The following SATB1 variants were observed in gnomAD, a reference collection of about 807,000 sequenced individuals.
SATB1 encodes SATB homeobox 1.
SATB1 carries 11 observed loss-of-function variants against 86.9 expected under a neutral mutation model. That is an observed-to-expected ratio of 0.13 (90% confidence interval 0.08 to 0.21). The LOEUF is 0.21. Ranked by LOEUF, SATB1 falls within the 10% of genes least tolerant of loss-of-function variation. The probability of loss-of-function intolerance (pLI) is 1.00; values close to 1 mark genes in which losing one functional copy is unlikely to be tolerated. For synonymous variants in SATB1, 357 were observed against 357.2 expected, an observed-to-expected ratio of 1.00 and a Z score of 0.01; for missense variants, 551 against 937.6, an observed-to-expected ratio of 0.59 and a Z score of 5.39.
chr3:18,404,862 A>T (rs1697444182), intron 5 of SATB1, among the ~76,000 whole-genome samples: 1 of 152,034 alleles, frequency 6.6e-6, no homozygotes, highest in Non-Finnish European at 1.5e-5. Flanking sequence ...AGGTATATTA[A>T]GAGCATGTGA....
At chr3:18,408,144 A>G (rs1033795997) in intron 5 of SATB1, among the ~76,000 whole-genome samples, 3 of 152,082 alleles carry the variant, frequency 2.0e-5, no homozygotes, top group Non-Finnish European at 4.4e-5. Flanking sequence ...ATGGGAAAAT[A>G]TTACAATAGA....
Position 18,394,992 on chromosome 3 carries a change from A to C in SATB1, c.752-76T>G. 3.2e-6 allele frequency: 4 copies of C among 1,248,094 alleles called. No homozygotes were observed. Among genetic ancestry groups the C allele is most frequent in the Non-Finnish European group, 4.3e-6 (4 of 922,036 alleles). The allele number at this position is 1,248,094 out of a possible 1,614,324, so 77.3% of individuals were successfully genotyped here. A position where few individuals can be genotyped will look rare whatever the true frequency, so the allele number is the denominator to read the frequency against. On this transcript the variant is annotated intron_variant, in intron 6 of 10. Transcript: ENST00000338745. The surrounding 1 kb of genome is among the most constrained non-coding windows in gnomAD (Gnocchi z 5.9). The stretch of plus-strand genomic sequence containing the variant: ...GATAAAGATTTCTAACCATTTCCTA[A>C]ATTAAAAAAGGGTAGGCACAGGGCA...
At chr3:18,403,447 A>G (rs1697367502) in intron 5 of SATB1, among the ~76,000 whole-genome samples, 1 of 152,104 alleles carries the variant, frequency 6.6e-6, no homozygotes, top group Non-Finnish European at 1.5e-5. Context: ...TATGTTTTGA[A>G]TTGGAATACT....
Position 18,394,558 on chromosome 3 carries a change from C to A in SATB1, c.1110G>T (p.Glu370Asp), listed in dbSNP as rs767573700. 5.0e-6 allele frequency: 8 copies of A among 1,614,162 alleles called. No individual in the cohort carries two copies. In the Admixed American group the frequency reaches 1.3e-4, roughly 27 times the overall value. The change falls in exon 7 of 11, where the codon GAG becomes GAT. Residue 370 changes from glutamate to aspartate, a missense_variant. By Grantham distance (45) the Glu-to-Asp change is conservative. Around this residue, in one of 8 missense-constraint regions of SATB1, gnomAD observed 119 missense variants for 171.1 expected, o/e 0.70. Coordinates refer to ENST00000338745, the MANE Select transcript of SATB1 (RefSeq NM_002971.6). The surrounding 1 kb of genome is among the most constrained non-coding windows in gnomAD (Gnocchi z 5.9). ...PLEQQVSTNT[E>D]VSSEIYQWVR... ...CCCACTGGTAGATTTCGGAAGACAC[C>A]TCTGTGTTGGTCGAAACCTGTTGCT...
At chr3:18,400,478 C>T (rs893803068) in intron 5 of SATB1, among the ~76,000 whole-genome samples, 10 of 152,298 alleles carry the variant, frequency 6.6e-5, no homozygotes, top group African/African-American at 2.4e-4. Flanking sequence ...ATAGCATACA[C>T]CTCATGGAGT....
At chr3:18,405,970 G>T (rs1221657825) in intron 5 of SATB1, among the ~76,000 whole-genome samples, 1 of 151,978 alleles carries the variant, frequency 6.6e-6, no homozygotes, top group Non-Finnish European at 1.5e-5. Flanking sequence ...TCACAGTGTA[G>T]GAAAATGCCA....
At chr3:18,427,712 A>T (rs1698754578), upstream of SATB1, among the ~76,000 whole-genome samples, 1 of 152,214 alleles carries the variant, frequency 6.6e-6, no homozygotes, top group South Asian at 2.1e-4. Context: ...CTGAGTCACA[A>T]ATCTATTCAA....
chr3:18,391,432 G>A (rs745808557), intron 7 of SATB1, among the ~76,000 whole-genome samples: 2 of 151,472 alleles, frequency 1.3e-5, no homozygotes, highest in Admixed American at 6.6e-5. Flanking sequence ...CATTGTGCAG[G>A]TTAGTTACAT....
intron 5 of SATB1, among the ~76,000 whole-genome samples, chr3:18,404,691 T>C (rs1204621383): frequency 6.6e-6 from 1 of 152,014 alleles, no homozygotes; most frequent in African/African-American, 2.4e-5. Context: ...TTCCATATAG[T>C]TAAAATAACT....
rs761888182 is a variant in SATB1, at chr3:18,349,196, CTG to C, written c.2264_2265del (p.Thr755ArgfsTer3). On this transcript the variant is annotated frameshift_variant, in exon 11 of 11. Transcript: ENST00000338745. LOFTEE classifies it high-confidence loss of function. This position sits in a 1 kb window ranked among gnomAD's most constrained non-coding sequence, Gnocchi z 5.5. ...CAGTCTTTCAAATCAGTATTAATGT[CTG>C]TGTTTCCTTCCACTGACAGCTCTTC... ...LEEELSVEGNTDINTDLKD is the reference protein window; with the variant it reads ...LEEELSVEGNXDINTDLKD The C allele has an allele frequency of 6.2e-7, 1 of 1,614,114 alleles. No homozygotes were observed. The highest frequency in any genetic ancestry group is 1.1e-5 in the South Asian group (1 of 91,080).
intron 1 of SATB1, among the ~76,000 whole-genome samples, chr3:18,422,789 G>GA (rs1698457217): frequency 6.6e-6 from 1 of 152,216 alleles, no homozygotes; most frequent in South Asian, 2.1e-4. Context: ...GAAAAAAAGG[G>GA]AGGGGGTGTA....
At chr3:18,411,255 T>G (rs1697819959) in intron 5 of SATB1, among the ~76,000 whole-genome samples, 1 of 152,052 alleles carries the variant, frequency 6.6e-6, no homozygotes, top group African/African-American at 2.4e-5. Context: ...AATGTGAAAG[T>G]TGTGATGTGT....
chr3:18,368,584 A>T (rs540064132), intron 9 of SATB1, among the ~76,000 whole-genome samples: 2 of 152,282 alleles, frequency 1.3e-5, no homozygotes, highest in African/African-American at 4.8e-5. Flanking sequence ...TGAGTAAGGA[A>T]TCAAAAAACC....
At chr3:18,377,935 C>T (rs1343009252) in intron 9 of SATB1, among the ~76,000 whole-genome samples, 1 of 152,160 alleles carries the variant, frequency 6.6e-6, no homozygotes, top group African/African-American at 2.4e-5. Context: ...TACCTATTAA[C>T]TGACTTGGGG....
upstream of SATB1, among the ~76,000 whole-genome samples, chr3:18,425,693 G>A (rs1048187138): frequency 1.3e-5 from 2 of 151,810 alleles, no homozygotes; most frequent in East Asian, 3.9e-4. Context: ...AGCGCCGGCC[G>A]CCGCCAGACG....
At chr3:18,377,344 A>T (rs1482919963) in intron 9 of SATB1, among the ~76,000 whole-genome samples, 3 of 152,142 alleles carry the variant, frequency 2.0e-5, no homozygotes, top group Non-Finnish European at 2.9e-5. Flanking sequence ...TTCTTTTTCA[A>T]GGGGGAAAAG....
Position 18,415,484 on chromosome 3 carries a change from G to A in SATB1, c.516-250C>T, listed in dbSNP as rs532237869. On this transcript the variant is annotated intron_variant, in intron 4 of 10. Coordinates refer to ENST00000338745, the MANE Select transcript of SATB1 (RefSeq NM_002971.6). Reference sequence around the variant, plus strand: ...TACTTCTACCTTCCTGCTCTGATGCGCTTGGGAAGACAATTTAAGGTGTAC... The same window carrying A: ...TACTTCTACCTTCCTGCTCTGATGCACTTGGGAAGACAATTTAAGGTGTAC... 7.8e-4 allele frequency among the ~76,000 whole-genome samples: 118 copies of A among 152,056 alleles called. 1 individual carries two copies. The highest frequency in any genetic ancestry group is 5.8e-3 in the South Asian group (28 of 4,820).
rs1696841516 is a variant in SATB1, at chr3:18,394,303, T to A, written c.1206+159A>T. Among the ~76,000 whole-genome samples, 1 of 151,402 alleles carries A rather than the reference T, an allele frequency of 6.6e-6. No individual in the cohort carries two copies. The highest frequency in any genetic ancestry group is 6.6e-5 in the Admixed American group (1 of 15,230). On this transcript the variant is annotated intron_variant, in intron 7 of 10. Transcript: ENST00000338745. The surrounding 1 kb of genome is among the most constrained non-coding windows in gnomAD (Gnocchi z 5.9). ...CAGAAGTATATCATAGGAAAAGGAG[T>A]GGTAAAATTGAGGCTCCACCAGGAA...
upstream of SATB1, among the ~76,000 whole-genome samples, chr3:18,427,891 G>T (rs1160571931): frequency 6.6e-6 from 1 of 152,036 alleles, no homozygotes; most frequent in East Asian, 1.9e-4. Flanking sequence ...TATAAGAAAT[G>T]ACATAAGTAA....
Sources: gnomAD v4.1 joint callset for allele counts (sites outside exome capture counted in the v4.1 genomes callset) on GRCh38, gnomAD v4.1.1 for gene constraint, gnomAD v4.1.1 regional missense constraint, Gnocchi (gnomAD v3.1) non-coding constraint, MANE v1.5 for transcripts, NCBI Gene and HGNC (gene_info 2026-07-23, HGNC 2026-07-21) for gene names.